OSBPL1A: variants seen among roughly 807,000 people sequenced by gnomAD.
The protein encoded by OSBPL1A is oxysterol-binding protein-related protein 1.
In OSBPL1A, 80 loss-of-function variants were observed where a neutral mutation model predicts 137.1. The observed-to-expected ratio is 0.58, with a 90% confidence interval of 0.49 to 0.70. OSBPL1A has a LOEUF of 0.70. OSBPL1A is among the 30% of genes least tolerant of loss of function. The pLI is 0.00. For missense variants in OSBPL1A, 970 were observed against 1,129.4 expected (o/e 0.86, Z 2.02); for synonymous variants, 365 against 389.7 (o/e 0.94, Z 0.75).
chr18:24,223,679 C>A (rs2087966433), intron 17 of OSBPL1A, among the ~76,000 whole-genome samples: 1 of 152,132 alleles, frequency 6.6e-6, no homozygotes, highest in Non-Finnish European at 1.5e-5. Flanking sequence ...AAAATAACTA[C>A]TGTCATGATT....
chr18:24,338,571 G>C (rs1774571131), intron 5 of OSBPL1A, among the ~76,000 whole-genome samples: 1 of 152,122 alleles, frequency 6.6e-6, no homozygotes, highest in South Asian at 2.1e-4. Flanking sequence ...AACAGCCCTG[G>C]TTTGGCCACA....
chr18:24,273,013 C>G (rs986725874), intron 15 of OSBPL1A, among the ~76,000 whole-genome samples: 1 of 152,192 alleles, frequency 6.6e-6, no homozygotes, highest in Admixed American at 6.5e-5. Flanking sequence ...TCAAGTGATT[C>G]TCGTGCCCCA....
intron 18 of OSBPL1A, 85 bp downstream of exon 18, chr18:24,196,040 T>C: frequency 8.9e-7 from 1 of 1,120,178 alleles, no homozygotes; most frequent in Non-Finnish European, 1.3e-6. Context: ...GTGCACCACT[T>C]TAATGCAAAC....
Position 24,170,321 on chromosome 18 carries a change from G to A in OSBPL1A, c.2418+6C>T, listed in dbSNP as rs368335101. Reference sequence around the variant, plus strand: ...TTCCTTCGATACCACCTTACAGGATGTTCACCTGTTTGCTGTTCTTCTTCT... The same window carrying A: ...TTCCTTCGATACCACCTTACAGGATATTCACCTGTTTGCTGTTCTTCTTCT... On this transcript the variant is annotated splice_donor_region_variant and intron_variant, in intron 24 of 27. Coordinates refer to ENST00000319481, the MANE Select transcript of OSBPL1A (RefSeq NM_080597.4). 2.5e-6 allele frequency: 4 copies of A among 1,613,942 alleles called. No homozygotes were observed. Among genetic ancestry groups the A allele is most frequent in the Non-Finnish European group, 3.4e-6 (4 of 1,179,984 alleles).
chr18:24,271,982 G>GGGCGGGCGGCGGCAAGGCCTGC lies in OSBPL1A; in HGVS notation c.1281+8838_1281+8859dup, dbSNP rs1370402869. The GGGCGGGCGGCGGCAAGGCCTGC allele has an allele frequency of 4.8e-5, 47 of 981,784 alleles. No individual in the cohort carries two copies. The highest frequency in any genetic ancestry group is 2.7e-5 in the Non-Finnish European group (22 of 828,720). The allele number at this position is 981,784 out of a possible 1,614,324, so 60.8% of individuals were successfully genotyped here. On this transcript the variant is annotated intron_variant, in intron 15 of 27. Transcript: ENST00000319481. The surrounding 1 kb of genome is among the most constrained non-coding windows in gnomAD (Gnocchi z 4.0). The stretch of plus-strand genomic sequence containing the variant: ...CCTCCGGGGCTCGCGGGGAGAGCGC[G>GGGCGGGCGGCGGCAAGGCCTGC]GGCGGGCGGCGGCAAGGCCTGCGGC...
intron 14 of OSBPL1A, chr18:24,301,374 G>A (rs2090397194): frequency 1.3e-5 from 2 of 152,188 alleles, no homozygotes; most frequent in Admixed American, 1.3e-4. Context: ...TAATTTGGTT[G>A]TAATTCTGAT....
At chr18:24,258,686 C>T (rs569994348) in intron 15 of OSBPL1A, among the ~76,000 whole-genome samples, 11 of 152,186 alleles carry the variant, frequency 7.2e-5, no homozygotes, top group East Asian at 1.9e-4. Context: ...GTGATTATTA[C>T]GCATTGTATG....
chr18:24,291,770 G>GA (rs111966262), intron 14 of OSBPL1A, among the ~76,000 whole-genome samples: 80,941 of 147,270 alleles, frequency 0.55, 23,018 homozygotes, highest in African/African-American at 0.66. Context: ...GGGGGACAGG[G>GA]AAAAAAAAAA....
rs1567919998 is a variant in OSBPL1A at position 24,175,110 on chromosome 18, A to ATATATATATATATATATG, written c.2094-2628_2094-2627insCATATATATATATATATA. On this transcript the variant is annotated intron_variant, in intron 21 of 27. Coordinates refer to ENST00000319481, the MANE Select transcript of OSBPL1A (RefSeq NM_080597.4). ...ATGTGCTTATTTGCCATGTGTATGTATATATATATATATATATATATATAT... is the reference window on the plus strand; with the variant it reads ...ATGTGCTTATTTGCCATGTGTATGTATATATATATATATATATGTATATATATATATATATATATATAT... Among the ~76,000 whole-genome samples the ATATATATATATATATATG allele has an allele frequency of 6.9e-3, 102 of 14,786 alleles. 3 individuals carry two copies. Among genetic ancestry groups the ATATATATATATATATATG allele is most frequent in the African/African-American group, 9.2e-3 (96 of 10,398 alleles). The allele number at this position is 14,786 out of a possible 152,430, so 9.7% of individuals were successfully genotyped here. A position where few individuals can be genotyped will look rare whatever the true frequency, so the allele number is the denominator to read the frequency against.
At position 24,366,900 on chromosome 18, in the gene OSBPL1A, C is replaced by T. The variant is rs752549442; in HGVS notation, c.274G>A (p.Gly92Arg). ...DTPLHRAAFT[G>R]RKELVMLLLE... ...CATAGAATGATTTTCACCTTTCGTC[C>T]TGTAAAGGCAGCTCGATGAAGCGGC... is the stretch of plus-strand genomic sequence containing the variant. Residue 92 changes from glycine to arginine, a missense_variant, in exon 4 of 28, where the codon GGA becomes AGA. By Grantham distance (125) the Gly-to-Arg change is moderately radical. Around this residue, in one of 2 missense-constraint regions of OSBPL1A, gnomAD observed 647 missense variants for 672.6 expected, o/e 0.96. Coordinates refer to ENST00000319481, the MANE Select transcript of OSBPL1A (RefSeq NM_080597.4). The T allele has an allele frequency of 6.2e-7, 1 of 1,611,394 alleles. No individual in the cohort carries two copies. Among genetic ancestry groups the T allele is most frequent in the East Asian group, 2.2e-5 (1 of 44,742 alleles).
At chr18:24,196,008 G>T in intron 18 of OSBPL1A, 117 bp downstream of exon 18, 1 of 784,066 alleles carries the variant, frequency 1.3e-6, no homozygotes, top group Non-Finnish European at 2.1e-6. Context: ...TATGATTCTC[G>T]TACGTTCCCA....
chr18:24,342,878 GTAC>G (rs1367223183), intron 4 of OSBPL1A, among the ~76,000 whole-genome samples: 1 of 151,512 alleles, frequency 6.6e-6, no homozygotes, highest in Non-Finnish European at 1.5e-5. Flanking sequence ...TATATAAAAT[GTAC>G]TACCACATTA....
intron 7 of OSBPL1A, among the ~76,000 whole-genome samples, chr18:24,324,453 GTT>G (rs1568027997): frequency 5.0e-4 from 1 of 2,020 alleles, no homozygotes; most frequent in Admixed American, 5.6e-3. Flanking sequence ...TTCTGAAAAA[GTT>G]AAAAAAAAAA....
chr18:24,315,814 TAA>T (rs1182381064), intron 11 of OSBPL1A, among the ~76,000 whole-genome samples: 1 of 67,042 alleles, frequency 1.5e-5, no homozygotes, highest in Non-Finnish European at 2.8e-5. Flanking sequence ...TATTATATAA[TAA>T]AATATATAAT....
intron 17 of OSBPL1A, among the ~76,000 whole-genome samples, chr18:24,202,099 T>C (rs774575984): frequency 6.6e-6 from 1 of 152,160 alleles, no homozygotes; most frequent in Non-Finnish European, 1.5e-5. Flanking sequence ...GAGACATCCT[T>C]ATACTTGGCA....
intron 8 of OSBPL1A, 24 bp downstream of exon 8, chr18:24,318,724 T>A: frequency 6.3e-7 from 1 of 1,599,342 alleles, no homozygotes; most frequent in Middle Eastern, 2.1e-4. Context: ...AATTATTAGA[T>A]AAATTTAATT....
intron 4 of OSBPL1A, among the ~76,000 whole-genome samples, chr18:24,355,210 C>A (rs2091512009): frequency 6.6e-6 from 1 of 151,862 alleles, no homozygotes; most frequent in Non-Finnish European, 1.5e-5. Context: ...CATACTACAG[C>A]CAATCTAGCA....
intron 1 of OSBPL1A, among the ~76,000 whole-genome samples, chr18:24,387,607 G>T (rs1409160985): frequency 4.6e-5 from 7 of 151,916 alleles, no homozygotes; most frequent in African/African-American, 1.7e-4. Flanking sequence ...AAGAGATGGG[G>T]ACTCGCTTTG....
rs13381107 is a variant in OSBPL1A at position 24,290,300 on chromosome 18, C to T, written c.1175-9352G>A. ...AGAAAGAAACAAACAAAAGGCAAGG[C>T]TGATGCAACAGGCCTAACCAGTGAT... On this transcript the variant is annotated intron_variant, in intron 14 of 27. Transcript: ENST00000319481. 5.6e-3 allele frequency among the ~76,000 whole-genome samples: 846 copies of T among 152,234 alleles called. 7 individuals carry two copies. Among genetic ancestry groups the T allele is most frequent in the African/African-American group, 0.019 (805 of 41,528 alleles).
Sources: gnomAD v4.1 joint callset for allele counts (sites outside exome capture counted in the v4.1 genomes callset) on GRCh38, gnomAD v4.1.1 for gene constraint, gnomAD v4.1.1 regional missense constraint, Gnocchi (gnomAD v3.1) non-coding constraint, MANE v1.5 for transcripts, NCBI Gene and HGNC (gene_info 2026-07-23, HGNC 2026-07-21) for gene names.